Variants in LRP5 observed in about 807,000 individuals in gnomAD.
LRP5 encodes LDL receptor related protein 5, also known as low-density lipoprotein receptor-related protein 5.
In LRP5, 62 loss-of-function variants were observed where a neutral mutation model predicts 154.1. The observed-to-expected ratio is 0.40, with a 90% confidence interval of 0.33 to 0.50. The LOEUF (loss-of-function observed/expected upper bound fraction) is 0.50. LRP5 is among the 20% of genes least tolerant of loss of function. The pLI, the probability that LRP5 is intolerant of heterozygous loss-of-function variation, is 0.55. For missense variants in LRP5, 1,915 were observed against 2,336.7 expected, an observed-to-expected ratio of 0.82 and a Z score of 3.72; for synonymous variants, 966 against 1,011.5, an observed-to-expected ratio of 0.96 and a Z score of 0.85.
In LRP5 at chr11:68,438,168, A is replaced by T. The variant is rs570214237; in HGVS notation, c.4112-278A>T. Among the ~76,000 whole-genome samples the T allele has an allele frequency of 3.9e-5, 6 of 152,266 alleles. 1 individual carries two copies. Among genetic ancestry groups the T allele is most frequent in the Admixed American group, 1.3e-4 (2 of 15,300 alleles). On this transcript the variant is annotated intron_variant, in intron 19 of 22. Transcript: ENST00000294304. ...ACCGAGGGCCCTGGGCGAAGGAGTG[A>T]ATACCAGGCTGCCTTGGCAGGGATG...
the LRP5 span, among the ~76,000 whole-genome samples, chr11:68,305,104 C>T: frequency 1.4e-3 from 219 of 152,132 alleles, no homozygotes; most frequent in African/African-American, 5.2e-3. Context: ...TCCCCCCAAA[C>T]CTCATGTTGA....
intron 16 of LRP5, among the ~76,000 whole-genome samples, chr11:68,426,830 C>T (rs570078906): frequency 1.2e-4 from 19 of 152,338 alleles, no homozygotes; most frequent in South Asian, 4.1e-4. Flanking sequence ...GTGTCAGGAA[C>T]GCTGGGCCCT....
intron 17 of LRP5, among the ~76,000 whole-genome samples, chr11:68,432,299 G>A (rs1044426800): frequency 6.6e-6 from 1 of 152,146 alleles, no homozygotes; most frequent in Non-Finnish European, 1.5e-5. Flanking sequence ...GCCCCATGTC[G>A]CCCTCAACCT....
upstream of LRP5, among the ~76,000 whole-genome samples, chr11:68,308,257 G>A (rs190458126): frequency 2.6e-5 from 4 of 152,152 alleles, no homozygotes; most frequent in Admixed American, 1.3e-4. Flanking sequence ...TGCCGGGTTG[G>A]GGGGGGCTCT....
chr11:68,417,268 G>A (rs7118595), intron 13 of LRP5, among the ~76,000 whole-genome samples: 1,555 of 152,148 alleles, frequency 0.01, 22 homozygotes, highest in African/African-American at 0.036. Context: ...GGCCCCAGCA[G>A]TGAGCCCAGG....
chr11:68,390,986 G>A (rs1229478011), intron 7 of LRP5, among the ~76,000 whole-genome samples: 3 of 152,218 alleles, frequency 2.0e-5, no homozygotes, highest in Non-Finnish European at 4.4e-5. Flanking sequence ...TTGATTGTTT[G>A]TTTTTGTTGT....
chr11:68,326,046 C>T (rs2098599447), intron 1 of LRP5, among the ~76,000 whole-genome samples: 1 of 152,238 alleles, frequency 6.6e-6, no homozygotes, highest in Non-Finnish European at 1.5e-5. Flanking sequence ...GCCTGGTGGC[C>T]TGTGGGTTGC....
chr11:68,378,563 C>T (rs527292836), intron 5 of LRP5, among the ~76,000 whole-genome samples: 2 of 152,072 alleles, frequency 1.3e-5, no homozygotes, highest in Non-Finnish European at 2.9e-5. Context: ...TAAGGATAAA[C>T]CCATTCACCC....
At chr11:68,425,943 A>T (rs751008121) in intron 15 of LRP5, 35 bp from the exon 16 acceptor site, 1 of 1,587,322 alleles carries the variant, frequency 6.3e-7, no homozygotes, top group Non-Finnish European at 8.6e-7. Flanking sequence ...TCTGGAGGTC[A>T]GCACTGCTCA....
intron 1 of LRP5, among the ~76,000 whole-genome samples, chr11:68,314,067 A>T (rs538304815): frequency 6.6e-6 from 1 of 152,244 alleles, no homozygotes; most frequent in African/African-American, 2.4e-5. Context: ...CCTTGTCTGG[A>T]GCTAGCAAAA....
intron 21 of LRP5, chr11:68,445,784 C>T (rs1048839389): frequency 8.8e-6 from 6 of 682,230 alleles, no homozygotes; most frequent in East Asian, 1.0e-4. Context: ...GGCACGTTCA[C>T]GTGGTGAATT....
intron 7 of LRP5, among the ~76,000 whole-genome samples, chr11:68,400,939 G>A (rs1591281336): frequency 6.6e-6 from 1 of 152,108 alleles, no homozygotes; most frequent in Non-Finnish European, 1.5e-5. Flanking sequence ...TTGGTAGATC[G>A]AAACCTGGAT....
At chr11:68,351,885 CGTGTGGCTGTCTGGGGGCAGCGCG>C (rs894749706) in intron 2 of LRP5, among the ~76,000 whole-genome samples, 4 of 152,088 alleles carry the variant, frequency 2.6e-5, no homozygotes, top group Non-Finnish European at 5.9e-5. Flanking sequence ...GGCTGAGAAC[CGTGTGGCTGTCTGGGGGCAGCGCG>C]GTCCAGGCAG....
At chr11:68,404,186 C>T (rs1410919497) in intron 8 of LRP5, 5 of 453,362 alleles carry the variant, frequency 1.1e-5, no homozygotes, top group South Asian at 3.6e-5. Context: ...CCGAGGAGGT[C>T]GTTGTCTGGC....
chr11:68,376,993 C>G (rs751132041), intron 5 of LRP5, among the ~76,000 whole-genome samples: 3 of 152,192 alleles, frequency 2.0e-5, no homozygotes, highest in Admixed American at 6.5e-5. Context: ...TTTAGTACCA[C>G]AGGGAGGGCT....
intron 14 of LRP5, among the ~76,000 whole-genome samples, chr11:68,424,812 T>C (rs866276522): frequency 1.3e-5 from 2 of 152,216 alleles, no homozygotes; most frequent in African/African-American, 4.8e-5. Flanking sequence ...TTCTGTACCA[T>C]TGAAGGACAC....
At chr11:68,305,205 G>T in the LRP5 span, among the ~76,000 whole-genome samples, 1 of 152,000 alleles carries the variant, frequency 6.6e-6, no homozygotes, top group Admixed American at 6.6e-5. Flanking sequence ...CCTTGCAATG[G>T]TGAGTTCTCG....
intron 5 of LRP5, among the ~76,000 whole-genome samples, chr11:68,371,616 T>G (rs1405355184): frequency 2.0e-5 from 3 of 152,398 alleles, no homozygotes; most frequent in African/African-American, 7.2e-5. Context: ...CCATTGGTAT[T>G]GCGGCCGTGC....
intron 14 of LRP5, among the ~76,000 whole-genome samples, chr11:68,424,174 G>C (rs949155620): frequency 6.6e-6 from 1 of 152,208 alleles, no homozygotes; most frequent in African/African-American, 2.4e-5. Context: ...GCCAGGGAAA[G>C]AGGGAGACCG....
Sources: allele counts gnomAD v4.1 joint callset (sites outside exome capture counted in the v4.1 genomes callset), GRCh38; gene constraint gnomAD v4.1.1; transcripts MANE v1.5; gene names NCBI Gene and HGNC (gene_info 2026-07-23, HGNC 2026-07-21).